STRADB: variants seen among roughly 807,000 people sequenced by gnomAD.
The protein encoded by STRADB is STE20 related adaptor beta.
A neutral mutation model predicts 52.1 loss-of-function variants in STRADB; 34 were observed. That is an observed-to-expected ratio of 0.65 (90% CI 0.50 to 0.87). STRADB has a LOEUF of 0.87. STRADB is among the 40% of genes least tolerant of loss of function. The pLI is 0.00. For synonymous variants in STRADB, 133 were observed against 174.5 expected (o/e 0.76, Z 1.87); for missense variants, 340 against 483.9 (o/e 0.70, Z 2.79).
intron 4 of STRADB, among the ~76,000 whole-genome samples, chr2:201,472,405 A>G (rs180955980): frequency 3.3e-5 from 5 of 152,214 alleles, no homozygotes; most frequent in Non-Finnish European, 5.9e-5. Flanking sequence ...TAGCCATACA[A>G]TTGTTTATTG....
chr2:201,474,840 C>T (rs945896847), intron 6 of STRADB, 85 bp downstream of exon 6: 3 of 1,046,190 alleles, frequency 2.9e-6, no homozygotes, highest in Non-Finnish European at 4.2e-6. Context: ...TTATGATTTG[C>T]CACATTTAAT....
chr2:201,475,703 G>A lies in STRADB; in HGVS notation c.509G>A (p.Arg170Lys). The change falls in exon 7 of 12, where the codon AGA (arginine) becomes AAA (lysine). Residue 170 changes from arginine (R) to lysine (K), a missense_variant. Physicochemically the swap from Arg to Lys is conservative, Grantham distance 26. Coordinates refer to ENST00000194530, the MANE Select transcript of STRADB (RefSeq NM_018571.6). ...LIRNILFGAV[R>K]GLNYLHQNGC... Reference sequence around the variant, plus strand: ...AGAAACATTCTCTTTGGAGCCGTGAGAGGGTTGAACTATCTGCACCAAAAT... The same window carrying A: ...AGAAACATTCTCTTTGGAGCCGTGAAAGGGTTGAACTATCTGCACCAAAAT... The A allele has an allele frequency of 1.2e-6, 2 of 1,612,434 alleles. No individual in the cohort carries two copies. The highest frequency in any genetic ancestry group is 1.7e-6 in the Non-Finnish European group (2 of 1,179,912).
At chr2:201,456,827 G>A (rs1952135601) in intron 2 of STRADB, among the ~76,000 whole-genome samples, 1 of 152,198 alleles carries the variant, frequency 6.6e-6, no homozygotes, top group Non-Finnish European at 1.5e-5. Context: ...GTGGGGTGAA[G>A]TTCAGAGGAA....
chr2:201,478,089 T>G lies in STRADB; in HGVS notation c.723T>G (p.Asp241Glu), dbSNP rs1952508935. ...TTCAAATTAATTGTGTCCTACAGGA[T>G]TTACATGGGTATAATGTGAAGTCAG... The part of the protein sequence containing the change: ...PWLSPELLRQ[D>E]LHGYNVKSDI... Residue 241 changes from aspartate to glutamate, a missense_variant and splice_region_variant, in exon 9 of 12, where the codon GAT becomes GAG. Physicochemically the swap from Asp to Glu is conservative, Grantham distance 45. Coordinates refer to ENST00000194530, the MANE Select transcript of STRADB (RefSeq NM_018571.6). The G allele has an allele frequency of 6.2e-7, 1 of 1,605,844 alleles. No individual in the cohort carries two copies. Among genetic ancestry groups the G allele is most frequent in the Non-Finnish European group, 8.5e-7 (1 of 1,177,076 alleles).
rs1952047911 is a variant in STRADB at position 201,451,945 on chromosome 2, A to G, written c.-96+7A>G. On this transcript the variant is annotated splice_region_variant and intron_variant, in intron 1 of 11. Coordinates refer to ENST00000194530, the MANE Select transcript of STRADB (RefSeq NM_018571.6). ...GGCCGTGGTCGCCGCTAGGGTAAAG[A>G]CGGGAGGCAGGCCCGGGAAGGGAAG... 6.6e-6 allele frequency: 1 copy of G among 152,350 alleles called. No homozygotes were observed. Among genetic ancestry groups the G allele is most frequent in the Non-Finnish European group, 1.5e-5 (1 of 68,388 alleles). The allele number at this position is 152,350 out of a possible 1,614,324, so 9.4% of individuals were successfully genotyped here.
chr2:201,469,857 CCT>C, intron 3 of STRADB, 94 bp from the exon 4 acceptor site: 1 of 872,316 alleles, frequency 1.1e-6, no homozygotes, highest in Non-Finnish European at 1.9e-6. Context: ...CTAATGAGCA[CCT>C]CTGTGTTTGA....
At chr2:201,458,728 C>T (rs1469366489) in intron 2 of STRADB, 56 bp from the exon 3 acceptor site, 2 of 1,513,890 alleles carry the variant, frequency 1.3e-6, no homozygotes, top group Non-Finnish European at 1.8e-6. Flanking sequence ...CTACATACCA[C>T]CCCTGCTTAT....
chr2:201,457,692 CT>C (rs1952147567), intron 2 of STRADB, among the ~76,000 whole-genome samples: 1 of 152,086 alleles, frequency 6.6e-6, no homozygotes, highest in Non-Finnish European at 1.5e-5. Flanking sequence ...TGATATTGTA[CT>C]TTAATGTTAA....
Position 201,469,956 on chromosome 2 carries a change from G to C in STRADB, c.97G>C (p.Asp33His). ...SETSIHQYLV[D>H]EPTLSWSRPS... ...TTATCTTTAAAAACAAATGCAGGTTGATGAGCCAACCCTTTCCTGGTCACG... is the reference window on the plus strand; with the variant it reads ...TTATCTTTAAAAACAAATGCAGGTTCATGAGCCAACCCTTTCCTGGTCACG... Residue 33 changes from aspartate (D) to histidine (H), a missense_variant, in exon 4 of 12, where the codon GAT (aspartate) becomes CAT (histidine). Coordinates refer to ENST00000194530, the MANE Select transcript of STRADB (RefSeq NM_018571.6). 6.2e-7 allele frequency: 1 copy of C among 1,613,052 alleles called. No individual in the cohort carries two copies. The highest frequency in any genetic ancestry group is 8.5e-7 in the Non-Finnish European group (1 of 1,179,672).
At chr2:201,470,088 C>G in intron 4 of STRADB, 36 bp downstream of exon 4, 1 of 1,470,052 alleles carries the variant, frequency 6.8e-7, no homozygotes, top group Non-Finnish European at 9.5e-7. Context: ...CCCTTCAGTG[C>G]TAGAAATTAA....
At chr2:201,468,590 C>T (rs1477361545) in intron 3 of STRADB, among the ~76,000 whole-genome samples, 1 of 152,152 alleles carries the variant, frequency 6.6e-6, no homozygotes, top group Non-Finnish European at 1.5e-5. Flanking sequence ...TTATTTACAA[C>T]ATGTGTCCCT....
At chr2:201,458,707 C>T (rs1380467871) in intron 2 of STRADB, 77 bp from the exon 3 acceptor site, 8 of 1,329,896 alleles carry the variant, frequency 6.0e-6, no homozygotes, top group Non-Finnish European at 8.5e-6. Context: ...AGTCATTAGA[C>T]CTTTTTGTAT....
intron 1 of STRADB, 104 bp from the exon 2 acceptor site, chr2:201,454,642 G>A (rs1320290267): frequency 2.4e-6 from 1 of 422,470 alleles, no homozygotes; most frequent in Admixed American, 4.2e-5. Context: ...CCTAAATATT[G>A]GGTATCAGGG....
At chr2:201,466,275 G>A (rs930165185) in intron 3 of STRADB, among the ~76,000 whole-genome samples, 1 of 152,202 alleles carries the variant, frequency 6.6e-6, no homozygotes. Context: ...AACGTTCACA[G>A]CTGCCACCTG....
chr2:201,473,403 T>A (rs1408639925), intron 5 of STRADB, among the ~76,000 whole-genome samples: 1 of 152,166 alleles, frequency 6.6e-6, no homozygotes, highest in Non-Finnish European at 1.5e-5. Flanking sequence ...GGGGATGCAG[T>A]CCTGGAACCA....
chr2:201,453,477 AT>A (rs1952082206), intron 1 of STRADB, among the ~76,000 whole-genome samples: 1 of 152,110 alleles, frequency 6.6e-6, no homozygotes, highest in Non-Finnish European at 1.5e-5. Context: ...TTGTGTAATG[AT>A]TACTTGGCTG....
intron 3 of STRADB, among the ~76,000 whole-genome samples, chr2:201,464,509 C>T (rs1952268007): frequency 3.9e-5 from 6 of 152,176 alleles, no homozygotes; most frequent in Admixed American, 2.6e-4. Flanking sequence ...CCCCTGTTGC[C>T]ACCACCACTA....
chr2:201,474,661 A>G lies in STRADB; in HGVS notation c.330A>G (p.Leu110=). 6.2e-7 allele frequency: 1 copy of G among 1,611,062 alleles called. No homozygotes were observed. The highest frequency in any genetic ancestry group is 1.1e-5 in the South Asian group (1 of 90,242). Residue 110 remains leucine (L), a synonymous_variant, in exon 6 of 12, where the codon CTA becomes CTG. Transcript: ENST00000194530. The part of the protein sequence containing the change: ...RLKALQKAVI[L]SHFFRHPNIT... ...GTTTATCCTAGAAAGCCGTGATTCTATCCCACTTTTTCCGGCATCCCAATA... is the reference window on the plus strand; with the variant it reads ...GTTTATCCTAGAAAGCCGTGATTCTGTCCCACTTTTTCCGGCATCCCAATA...
At chr2:201,462,057 T>C (rs1287780684) in intron 3 of STRADB, among the ~76,000 whole-genome samples, 1 of 152,222 alleles carries the variant, frequency 6.6e-6, no homozygotes, top group Non-Finnish European at 1.5e-5. Flanking sequence ...TGTATACAAG[T>C]ACCATGCTGT....
Sources: allele counts gnomAD v4.1 joint callset (sites outside exome capture counted in the v4.1 genomes callset), GRCh38; gene constraint gnomAD v4.1.1; transcripts MANE v1.5; gene names NCBI Gene and HGNC (gene_info 2026-07-23, HGNC 2026-07-21).